The following ROBO2 variants were observed in gnomAD, a reference collection of about 807,000 sequenced individuals.
ROBO2 encodes roundabout homolog 2.
Under a neutral mutation model 160.8 loss-of-function variants are expected in ROBO2, and 53 were observed. The observed-to-expected ratio is 0.33, with a 90% CI of 0.26 to 0.41. ROBO2 has a LOEUF of 0.41. ROBO2 is among the 10% of genes least tolerant of loss of function. The pLI is 1.00. For synonymous variants in ROBO2, 664 were observed against 611.7 expected, an observed-to-expected ratio of 1.09 and a Z score of -1.26; for missense variants, 1,577 against 1,722.4, an observed-to-expected ratio of 0.92 and a Z score of 1.49.
At chr3:77,248,171 T>C (rs543672790) in intron 2 of ROBO2, among the ~76,000 whole-genome samples, 231 of 152,222 alleles carry the variant, frequency 1.5e-3, no homozygotes, top group Admixed American at 3.9e-3. Context: ...GGCCCGACTC[T>C]AGAGGAAGAT....
At chr3:76,676,111 A>G (rs2092400541) in intron 2 of ROBO2, among the ~76,000 whole-genome samples, 1 of 152,144 alleles carries the variant, frequency 6.6e-6, no homozygotes, top group South Asian at 2.1e-4. Flanking sequence ...TAAAAATAAA[A>G]CAAGTGATAT....
chr3:77,315,866 C>T (rs1441032525), intron 2 of ROBO2, among the ~76,000 whole-genome samples: 2 of 151,672 alleles, frequency 1.3e-5, no homozygotes, highest in African/African-American at 4.9e-5. Context: ...GGGTTTTTTG[C>T]TTGTAACTTA....
chr3:76,908,493 TAGAA>T (rs2075764348), intron 2 of ROBO2, among the ~76,000 whole-genome samples: 1 of 152,128 alleles, frequency 6.6e-6, no homozygotes, highest in Non-Finnish European at 1.5e-5. Flanking sequence ...ACTTTCAGAG[TAGAA>T]AGATTCTCAA....
intron 2 of ROBO2, among the ~76,000 whole-genome samples, chr3:76,741,181 C>A (rs2093796301): frequency 6.6e-6 from 1 of 151,986 alleles, no homozygotes; most frequent in African/African-American, 2.4e-5. Flanking sequence ...TAGGTCTTCA[C>A]CAGAAACACC....
At chr3:76,733,653 T>C (rs1272937954) in intron 2 of ROBO2, among the ~76,000 whole-genome samples, 1 of 152,236 alleles carries the variant, frequency 6.6e-6, no homozygotes, top group Non-Finnish European at 1.5e-5. Context: ...TAACAGGTAA[T>C]TCCTGTTACA....
intron 2 of ROBO2, among the ~76,000 whole-genome samples, chr3:75,999,752 T>G (rs1240747723): frequency 6.6e-6 from 1 of 152,162 alleles, no homozygotes; most frequent in African/African-American, 2.4e-5. Context: ...AACATTATAT[T>G]TTTGAAGTTT....
intron 2 of ROBO2, among the ~76,000 whole-genome samples, chr3:75,976,184 A>C (rs2065128668): frequency 6.6e-6 from 1 of 151,610 alleles, no homozygotes; most frequent in South Asian, 2.1e-4. Flanking sequence ...TTTACATGTG[A>C]CTATGCATAT....
chr3:76,133,020 G>A (rs554416859), intron 2 of ROBO2, among the ~76,000 whole-genome samples: 6 of 152,112 alleles, frequency 3.9e-5, no homozygotes, highest in African/African-American at 1.4e-4. Flanking sequence ...AGCCCCTTTT[G>A]GGAAATGAGT....
chr3:76,064,330 T>C (rs991053102), intron 2 of ROBO2, among the ~76,000 whole-genome samples: 2 of 152,138 alleles, frequency 1.3e-5, no homozygotes, highest in African/African-American at 4.8e-5. Context: ...AGGGGCTAAG[T>C]ATTTTGCTGA....
intron 2 of ROBO2, among the ~76,000 whole-genome samples, chr3:76,645,234 AT>A (rs1178180726): frequency 2.6e-5 from 4 of 152,204 alleles, no homozygotes; most frequent in Admixed American, 1.3e-4. Context: ...TTTCTCTTTT[AT>A]TAAAGAATGA....
intron 2 of ROBO2, among the ~76,000 whole-genome samples, chr3:76,769,438 G>A (rs967798053): frequency 7.3e-5 from 11 of 151,194 alleles, no homozygotes; most frequent in East Asian, 2.0e-4. Flanking sequence ...TATCTTGGTC[G>A]GCTGTACAAC....
chr3:77,460,121 A>T (rs2082096286), intron 2 of ROBO2, among the ~76,000 whole-genome samples: 1 of 152,142 alleles, frequency 6.6e-6, no homozygotes, highest in Non-Finnish European at 1.5e-5. Flanking sequence ...TGACTCAGAC[A>T]AAATGACAGG....
At chr3:77,538,170 CTTTTTTT>C (rs59409802) in intron 6 of ROBO2, among the ~76,000 whole-genome samples, 24 of 102,492 alleles carry the variant, frequency 2.3e-4, no homozygotes, top group African/African-American at 7.9e-4. Flanking sequence ...TGATCATTTA[CTTTTTTT>C]TTTTTTTTTT....
intron 2 of ROBO2, among the ~76,000 whole-genome samples, chr3:76,969,576 A>G (rs1466981162): frequency 6.6e-6 from 1 of 152,188 alleles, no homozygotes; most frequent in South Asian, 2.1e-4. Flanking sequence ...TCTTTTGAAG[A>G]ATACATTCAG....
At chr3:77,462,181 CAGTT>C (rs1234807290) in intron 2 of ROBO2, among the ~76,000 whole-genome samples, 1 of 152,138 alleles carries the variant, frequency 6.6e-6, no homozygotes, top group East Asian at 1.9e-4. Context: ...AACTAAAACA[CAGTT>C]AGTAATACTT....
intron 2 of ROBO2, among the ~76,000 whole-genome samples, chr3:77,285,851 A>G (rs10433496): frequency 0.16 from 24,147 of 152,174 alleles, 2,277 homozygotes; most frequent in Admixed American, 0.29. Context: ...GTAGCAAGAA[A>G]ATATAGTTTA....
In ROBO2 at chr3:76,058,862, A is replaced by G. The variant is rs1168603546; in HGVS notation, c.109+121260A>G. On this transcript the variant is annotated intron_variant, in intron 2 of 26. Transcript: ENST00000487694. Reference sequence around the variant, plus strand: ...CCCCTTCCTGTGTCCATGTGTTCTCATTGTTCAATTCCCACCTATGAGTGA... The same window carrying G: ...CCCCTTCCTGTGTCCATGTGTTCTCGTTGTTCAATTCCCACCTATGAGTGA... 7.0e-4 allele frequency among the ~76,000 whole-genome samples: 88 copies of G among 125,520 alleles called. 1 individual carries two copies. Among genetic ancestry groups the G allele is most frequent in the Non-Finnish European group, 1.2e-3 (78 of 63,892 alleles). The allele number at this position is 125,520 out of a possible 152,430, so 82.3% of individuals were successfully genotyped here. A position where few individuals can be genotyped will look rare whatever the true frequency, so the allele number is the denominator to read the frequency against.
chr3:76,860,326 G>A (rs958342662), intron 2 of ROBO2, among the ~76,000 whole-genome samples: 14 of 152,098 alleles, frequency 9.2e-5, no homozygotes, highest in African/African-American at 2.7e-4. Context: ...CACAAAAAAT[G>A]TTTTCGTAGG....
intron 5 of ROBO2, among the ~76,000 whole-genome samples, chr3:77,501,177 T>C (rs531531514): frequency 2.6e-5 from 4 of 152,140 alleles, no homozygotes; most frequent in African/African-American, 9.6e-5. Flanking sequence ...TAAACCAAAC[T>C]ATAGGACAAG....
Sources: allele counts gnomAD v4.1 joint callset (sites outside exome capture counted in the v4.1 genomes callset), GRCh38; gene constraint gnomAD v4.1.1; transcripts MANE v1.5; gene names NCBI Gene and HGNC (gene_info 2026-07-23, HGNC 2026-07-21).